PLA2G1B: variants seen among roughly 807,000 people sequenced by gnomAD.
The protein encoded by PLA2G1B is phospholipase A2.
A neutral mutation model predicts 12.5 loss-of-function variants in PLA2G1B; 12 were observed. That is an observed-to-expected ratio of 0.96 (90% CI 0.62 to 1.56). The LOEUF (loss-of-function observed/expected upper bound fraction) is 1.56. Ranked by LOEUF, PLA2G1B falls within the 40% of genes most tolerant of loss-of-function variation. The pLI is 0.00. For synonymous variants in PLA2G1B, 81 were observed against 73.4 expected, an observed-to-expected ratio of 1.10 and a Z score of -0.53; for missense variants, 189 against 186.7, an observed-to-expected ratio of 1.01 and a Z score of -0.07.
intron 1 of PLA2G1B, 78 bp from the exon 2 acceptor site, chr12:120,326,098 C>T (rs1264384547): frequency 2.7e-6 from 4 of 1,487,372 alleles, no homozygotes; most frequent in East Asian, 4.5e-5. Flanking sequence ...TCCCTCGGGT[C>T]CCACGCTGCC....
intron 1 of PLA2G1B, 75 bp downstream of exon 1, chr12:120,327,645 G>A: frequency 7.1e-7 from 1 of 1,409,754 alleles, no homozygotes; most frequent in Non-Finnish European, 1.0e-6. Context: ...GTGGCCTGTG[G>A]CCCCCATTCC....
In PLA2G1B at chr12:120,326,189, T is replaced by C. The variant is rs961057138; in HGVS notation, c.35-169A>G. The stretch of plus-strand genomic sequence containing the variant: ...AAAGTGAAAGTGGGTAGAGGTTTTT[T>C]TTTTTTTTTAATGAAAACTTTATAT... On this transcript the variant is annotated intron_variant, in intron 1 of 3. Transcript: ENST00000308366. 1.5e-3 allele frequency: 765 copies of C among 507,322 alleles called. 5 individuals are homozygous for C. The highest frequency in any genetic ancestry group is 1.6e-3 in the Non-Finnish European group (466 of 290,458). 31.4% of individuals were successfully genotyped at this position (507,322 alleles called of 1,614,324 possible).
chr12:120,325,793 G>T, intron 2 of PLA2G1B, 68 bp downstream of exon 2: 2 of 1,463,822 alleles, frequency 1.4e-6, no homozygotes, highest in South Asian at 1.2e-5. Context: ...TGCCTCGTGA[G>T]ATCCTTGGCG....
At position 120,325,851 on chromosome 12, in the gene PLA2G1B, G is replaced by T. The variant is rs1227617314; in HGVS notation, c.194+10C>A. The T allele has an allele frequency of 1.2e-6, 2 of 1,612,960 alleles. No individual in the cohort carries two copies. The highest frequency in any genetic ancestry group is 1.7e-6 in the Non-Finnish European group (2 of 1,179,332). On this transcript the variant is annotated intron_variant, in intron 2 of 3. Coordinates refer to ENST00000308366, the MANE Select transcript of PLA2G1B (RefSeq NM_000928.3). ...AGGCACTCCAATTTTCCTGCAGGCG[G>T]ATCACTTACTTGTCCAGTTCATCCA...
In PLA2G1B at chr12:120,322,322, AGAGG is replaced by A. The variant is rs757172663; in HGVS notation, c.323-9_323-6del. 1.1e-5 allele frequency: 17 copies of A among 1,613,518 alleles called. No individual in the cohort carries two copies. In the East Asian group the frequency reaches 3.8e-4, roughly 36 times the overall value. ...CCTCACACTCTTTGTTTTTGCCTGG[AGAGG>A]GATGAAAGGAGAGGACTGAGCCAAG... On this transcript the variant is annotated splice_region_variant and splice_polypyrimidine_tract_variant and intron_variant, in intron 3 of 3. Transcript: ENST00000308366.
At chr12:120,325,793 G>C in intron 2 of PLA2G1B, 68 bp downstream of exon 2, 1 of 1,463,824 alleles carries the variant, frequency 6.8e-7, no homozygotes, top group Non-Finnish European at 9.5e-7. Context: ...TGCCTCGTGA[G>C]ATCCTTGGCG....
intron 2 of PLA2G1B, 73 bp downstream of exon 2, chr12:120,325,788 C>T (rs1342845744): frequency 2.8e-6 from 4 of 1,424,876 alleles, no homozygotes; most frequent in African/African-American, 2.8e-5. Context: ...TTGTATGCCT[C>T]GTGAGATCCT....
rs1308097590 is a variant in PLA2G1B at position 120,324,995 on chromosome 12, C to T, written c.261G>A (p.Leu87=). The change falls in exon 3 of 4, where the codon CTG becomes CTA. Residue 87 remains leucine, a synonymous_variant. Transcript: ENST00000308366. The part of the protein sequence containing the change: ...AKKLDSCKFL[L]DNPYTHTYSY... ...AATAGGTGTGGGTGTACGGGTTGTC[C>T]AGCAGAAATTTACAGCTGTCCAGCT... 4 of 1,613,892 alleles carry T rather than the reference C, an allele frequency of 2.5e-6. No individual in the cohort carries two copies. Among genetic ancestry groups the T allele is most frequent in the African/African-American group, 2.7e-5 (2 of 74,878 alleles).
At chr12:120,322,373 C>T in intron 3 of PLA2G1B, 56 bp from the exon 4 acceptor site, 1 of 1,547,276 alleles carries the variant, frequency 6.5e-7, no homozygotes, top group Non-Finnish European at 8.8e-7. Flanking sequence ...TTTGTACAAT[C>T]TGGGGCAAGA....
chr12:120,322,209 T>C lies in PLA2G1B; in HGVS notation c.431A>G (p.Lys144Arg), dbSNP rs201478589. The change falls in exon 4 of 4, where the codon AAG (lysine) becomes AGG (arginine). Residue 144 changes from lysine (K) to arginine (R), a missense_variant. Lys to Arg is a conservative substitution (Grantham distance 26). Transcript: ENST00000308366. ...NKAHKNLDTK[K>R]YCQS ...AGGTGATATTCAACTCTGACAATACTTCTTGGTGTCCAGGTTCTTGTGTGC... is the reference window on the plus strand; with the variant it reads ...AGGTGATATTCAACTCTGACAATACCTCTTGGTGTCCAGGTTCTTGTGTGC... 2.5e-5 allele frequency: 40 copies of C among 1,614,010 alleles called. No homozygotes were observed. The highest frequency in any genetic ancestry group is 6.8e-6 in the Non-Finnish European group (8 of 1,180,002).
chr12:120,326,029 A>G lies in PLA2G1B; in HGVS notation c.35-9T>C. 5.6e-6 allele frequency: 9 copies of G among 1,613,196 alleles called. No individual in the cohort carries two copies. The highest frequency in any genetic ancestry group is 6.8e-6 in the Non-Finnish European group (8 of 1,179,920). On this transcript the variant is annotated splice_polypyrimidine_tract_variant and intron_variant, in intron 1 of 3. Transcript: ENST00000308366. ...GCTGTCGGCGGCGGCCACTGCAAGA[A>G]GACATAGCCAGAGTTCAAATCGGTC...
At chr12:120,323,166 A>T (rs961890828) in intron 3 of PLA2G1B, among the ~76,000 whole-genome samples, 15 of 152,208 alleles carry the variant, frequency 9.9e-5, no homozygotes, top group Admixed American at 2.0e-4. Context: ...AAACAATAAG[A>T]TTACAGTTAA....
In PLA2G1B at chr12:120,326,276, C is replaced by T. The variant is rs1217576122; in HGVS notation, c.35-256G>A. On this transcript the variant is annotated intron_variant, in intron 1 of 3. Transcript: ENST00000308366. ...TATATATCTTCTTCTTTTTCTTCTT[C>T]TTCTTCTTCTGGGACCCTACCGCCT... 2.2e-5 allele frequency among the ~76,000 whole-genome samples: 3 copies of T among 137,888 alleles called. No individual in the cohort carries two copies. In the East Asian group the frequency reaches 6.2e-4, roughly 29 times the overall value. The allele number at this position is 137,888 out of a possible 152,430, so 90.5% of individuals were successfully genotyped here.
intron 3 of PLA2G1B, among the ~76,000 whole-genome samples, chr12:120,323,977 C>T (rs1014070247): frequency 4.6e-5 from 7 of 152,096 alleles, no homozygotes; most frequent in African/African-American, 1.7e-4. Context: ...TACTATATGT[C>T]AGACACTGCT....
chr12:120,324,638 T>C (rs1336330020), intron 3 of PLA2G1B, among the ~76,000 whole-genome samples: 2 of 152,102 alleles, frequency 1.3e-5, no homozygotes, highest in Non-Finnish European at 2.9e-5. Flanking sequence ...ACTGTGCTCA[T>C]GCCTGGGTGA....
chr12:120,325,510 T>A (rs1873324002), intron 2 of PLA2G1B, among the ~76,000 whole-genome samples: 1 of 152,142 alleles, frequency 6.6e-6, no homozygotes, highest in Admixed American at 6.5e-5. Context: ...TGAAAGCGAT[T>A]TTTAACATGG....
At chr12:120,322,379 C>A in intron 3 of PLA2G1B, 62 bp from the exon 4 acceptor site, 1 of 1,511,374 alleles carries the variant, frequency 6.6e-7, no homozygotes, top group Non-Finnish European at 9.0e-7. Context: ...CAATCTGGGG[C>A]AAGAAGAATT....
At chr12:120,324,238 G>A (rs1186218) in intron 3 of PLA2G1B, among the ~76,000 whole-genome samples, 2 of 151,896 alleles carry the variant, frequency 1.3e-5, no homozygotes, top group South Asian at 2.1e-4. Context: ...GCTTGAACCC[G>A]GGAGGCAGAG....
rs763579729 is a variant in PLA2G1B, at chr12:120,325,913, C to A, written c.142G>T (p.Gly48Cys). 1.2e-6 allele frequency: 2 copies of A among 1,614,136 alleles called. No individual in the cohort carries two copies. The highest frequency in any genetic ancestry group is 1.7e-6 in the Non-Finnish European group (2 of 1,180,004). The change falls in exon 2 of 4, where the codon GGC (glycine) becomes TGC (cysteine). Residue 48 changes from glycine (G) to cysteine (C), a missense_variant. Transcript: ENST00000308366. ...GAGCCCCCCAAGCCACAGTAGCAGCCGTAGTTGTTGTATTCCAAGAAGGGG... is the reference window on the plus strand; with the variant it reads ...GAGCCCCCCAAGCCACAGTAGCAGCAGTAGTTGTTGTATTCCAAGAAGGGG... ...SDPFLEYNNY[G>C]CYCGLGGSGT... is the part of the protein sequence containing the mutation.
Sources: allele counts gnomAD v4.1 joint callset (sites outside exome capture counted in the v4.1 genomes callset), GRCh38; gene constraint gnomAD v4.1.1; transcripts MANE v1.5; gene names NCBI Gene and HGNC (gene_info 2026-07-23, HGNC 2026-07-21).